The following NTRK3 variants were observed in gnomAD, a reference collection of about 807,000 sequenced individuals.
NTRK3 encodes NT-3 growth factor receptor.
In NTRK3, 24 loss-of-function variants were observed where a neutral mutation model predicts 91.7. That is an observed-to-expected ratio of 0.26 (90% CI 0.19 to 0.37). The LOEUF (loss-of-function observed/expected upper bound fraction) is 0.37, where lower values mean the gene tolerates loss of function less well. NTRK3 is among the 10% of genes least tolerant of loss of function. NTRK3 has a pLI of 1.00. For missense variants in NTRK3, 880 were observed against 1,068.9 expected (o/e 0.82, Z 2.46); for synonymous variants, 483 against 404.0 (o/e 1.20, Z -2.34).
intron 13 of NTRK3, among the ~76,000 whole-genome samples, chr15:88,120,529 C>T (rs1258777551): frequency 1.3e-5 from 2 of 152,184 alleles, no homozygotes; most frequent in Non-Finnish European, 2.9e-5. Context: ...GATGCCCTTC[C>T]TTCCCGGCCT....
intron 17 of NTRK3, among the ~76,000 whole-genome samples, chr15:87,884,568 AAAACTATGT>A (rs2065430535): frequency 6.6e-6 from 1 of 151,758 alleles, no homozygotes; most frequent in African/African-American, 2.4e-5. Context: ...ATATGTGTGT[AAAACTATGT>A]TATGAATATA....
intron 13 of NTRK3, among the ~76,000 whole-genome samples, chr15:88,055,587 C>A (rs2045607277): frequency 6.6e-6 from 1 of 152,122 alleles, no homozygotes; most frequent in South Asian, 2.1e-4. Flanking sequence ...TCATTGCTTC[C>A]CTCTCCCAAT....
At chr15:88,155,647 A>G (rs1274699264) in intron 5 of NTRK3, among the ~76,000 whole-genome samples, 1 of 152,248 alleles carries the variant, frequency 6.6e-6, no homozygotes, top group Non-Finnish European at 1.5e-5. Context: ...CCCCTTGTCT[A>G]GAACAGTACT....
intron 3 of NTRK3, among the ~76,000 whole-genome samples, chr15:88,190,840 G>C (rs779180318): frequency 6.6e-6 from 1 of 152,244 alleles, no homozygotes; most frequent in Non-Finnish European, 1.5e-5. Context: ...TCAATTCACT[G>C]TGGATGCATG....
chr15:88,120,320 C>T (rs1028756617), intron 13 of NTRK3, among the ~76,000 whole-genome samples: 9 of 152,152 alleles, frequency 5.9e-5, no homozygotes, highest in Non-Finnish European at 1.3e-4. Context: ...ATGTTAATAA[C>T]CCCCAATCAT....
At chr15:88,088,209 G>T (rs1219562955) in intron 13 of NTRK3, among the ~76,000 whole-genome samples, 1 of 152,208 alleles carries the variant, frequency 6.6e-6, no homozygotes, top group African/African-American at 2.4e-5. Context: ...TGCAATAAAA[G>T]TATCTACCCC....
In NTRK3 at chr15:87,940,614, G is replaced by A. The variant is rs1339812167; in HGVS notation, c.1716+9C>T. On this transcript the variant is annotated intron_variant, in intron 15 of 18. Transcript: ENST00000394480. ...CTCCTCCTGGTGCCGGCATGCCTCT[G>A]GGGTTTACCTTCACAGCCACAAGCA... The A allele has an allele frequency of 3.1e-6, 5 of 1,613,384 alleles. No individual in the cohort carries two copies. The highest frequency in any genetic ancestry group is 2.2e-5 in the East Asian group (1 of 44,880).
At chr15:88,129,750 C>T (rs1241722174) in intron 10 of NTRK3, among the ~76,000 whole-genome samples, 6 of 152,130 alleles carry the variant, frequency 3.9e-5, no homozygotes, top group Non-Finnish European at 8.8e-5. Context: ...TCTCAATAGC[C>T]AAATGTAGGA....
chr15:87,996,008 C>G (rs979051401), intron 14 of NTRK3, among the ~76,000 whole-genome samples: 1 of 152,090 alleles, frequency 6.6e-6, no homozygotes, highest in African/African-American at 2.4e-5. Context: ...CTTTGGAAGG[C>G]TGAGGCAGGT....
intron 17 of NTRK3, among the ~76,000 whole-genome samples, chr15:87,903,011 G>A (rs1304799579): frequency 6.6e-6 from 1 of 152,162 alleles, no homozygotes; most frequent in East Asian, 1.9e-4. Flanking sequence ...TGAGACCGGT[G>A]TCTGAACTAA....
intron 13 of NTRK3, among the ~76,000 whole-genome samples, chr15:88,113,688 C>T (rs1378010891): frequency 6.6e-6 from 1 of 152,054 alleles, no homozygotes; most frequent in Non-Finnish European, 1.5e-5. Flanking sequence ...TCTGGCCTGG[C>T]ACCTGTTTTT....
At chr15:87,963,171 G>A (rs2072465075) in intron 14 of NTRK3, among the ~76,000 whole-genome samples, 1 of 152,102 alleles carries the variant, frequency 6.6e-6, no homozygotes, top group African/African-American at 2.4e-5. Flanking sequence ...CTGGATACCT[G>A]CAGTCCTCAT....
At chr15:88,124,897 G>T (rs183203337) in intron 13 of NTRK3, among the ~76,000 whole-genome samples, 1 of 152,202 alleles carries the variant, frequency 6.6e-6, no homozygotes, top group African/African-American at 2.4e-5. Context: ...AGCTTGCTTT[G>T]CTGTGAGTTG....
chr15:87,929,438 C>T lies in NTRK3; in HGVS notation c.1890-4G>A, dbSNP rs779799191. 1 of 1,613,698 alleles carries T rather than the reference C, an allele frequency of 6.2e-7. No homozygotes were observed. Among genetic ancestry groups the T allele is most frequent in the Non-Finnish European group, 8.5e-7 (1 of 1,179,794 alleles). ...CATTGCATCTGGCCCATGGGCCCTG[C>T]AAGAGCATGGGGAGAAGAGAGGGGG... On this transcript the variant is annotated splice_region_variant and splice_polypyrimidine_tract_variant and intron_variant, in intron 16 of 18. Transcript: ENST00000394480.
At chr15:87,981,449 C>A (rs1324525492) in intron 14 of NTRK3, 1 of 1,582,632 alleles carries the variant, frequency 6.3e-7, no homozygotes, top group Non-Finnish European at 8.7e-7. Context: ...CTTAAGTGCA[C>A]AATGCCAGAA....
At chr15:88,036,269 T>C (rs2079062857) in intron 13 of NTRK3, among the ~76,000 whole-genome samples, 1 of 152,024 alleles carries the variant, frequency 6.6e-6, no homozygotes, top group African/African-American at 2.4e-5. Flanking sequence ...GAGAAGATGC[T>C]AAGAGCTTCC....
intron 16 of NTRK3, chr15:87,931,378 C>A (rs1034132286): frequency 5.7e-6 from 2 of 351,224 alleles, no homozygotes; most frequent in Admixed American, 3.9e-5. Context: ...ACAATTCTCA[C>A]AAAATAGTAA....
At chr15:88,204,564 T>C (rs1015075996) in intron 3 of NTRK3, among the ~76,000 whole-genome samples, 3 of 152,186 alleles carry the variant, frequency 2.0e-5, no homozygotes, top group Admixed American at 1.3e-4. Flanking sequence ...ACAGTCTGTT[T>C]TGGGATCAGA....
At chr15:88,057,934 C>T (rs946708304) in intron 13 of NTRK3, among the ~76,000 whole-genome samples, 2 of 152,214 alleles carry the variant, frequency 1.3e-5, no homozygotes, top group African/African-American at 4.8e-5. Flanking sequence ...CAGTATGGGG[C>T]TGACACACCA....
Sources: allele counts gnomAD v4.1 joint callset (sites outside exome capture counted in the v4.1 genomes callset), GRCh38; gene constraint gnomAD v4.1.1; transcripts MANE v1.5; gene names NCBI Gene and HGNC (gene_info 2026-07-23, HGNC 2026-07-21).